Variants in LY86 observed in about 807,000 individuals in gnomAD.
LY86 encodes the protein MD-1, RP105-associated.
A neutral mutation model predicts 17.3 loss-of-function variants in LY86; 20 were observed. The observed-to-expected ratio is 1.15, with a 90% CI of 0.81 to 1.68. LY86 has a LOEUF of 1.68. Among genes scored for constraint, LY86 ranks in the 40% most tolerant of loss-of-function variants. The pLI is 0.00. For missense variants in LY86, 200 were observed against 191.9 expected, an observed-to-expected ratio of 1.04 and a Z score of -0.25; for synonymous variants, 74 against 70.6, an observed-to-expected ratio of 1.05 and a Z score of -0.24.
intron 1 of LY86, among the ~76,000 whole-genome samples, chr6:6,613,935 C>G (rs1281890748): frequency 6.6e-6 from 1 of 152,216 alleles, no homozygotes; most frequent in African/African-American, 2.4e-5. Context: ...ATTCAGAAAT[C>G]GTGAAGGGAC....
chr6:6,591,658 C>T (rs1760534306), intron 1 of LY86, among the ~76,000 whole-genome samples: 1 of 152,124 alleles, frequency 6.6e-6, no homozygotes, highest in South Asian at 2.1e-4. Context: ...TTTCCAAGGC[C>T]ACACAGCTAA....
intron 3 of LY86, among the ~76,000 whole-genome samples, chr6:6,641,700 A>C (rs897505248): frequency 1.1e-4 from 16 of 152,112 alleles, no homozygotes; most frequent in African/African-American, 3.9e-4. Flanking sequence ...GGCTAGGGCC[A>C]CCACTAGCTC....
At chr6:6,618,140 T>C (rs3789766) in intron 1 of LY86, among the ~76,000 whole-genome samples, 43,476 of 152,168 alleles carry the variant, frequency 0.29, 6,603 homozygotes, top group East Asian at 0.5. Flanking sequence ...CGCGCCTGGC[T>C]AGCGCATTGT....
chr6:6,592,698 A>C (rs1561773194), intron 1 of LY86, among the ~76,000 whole-genome samples: 2 of 151,922 alleles, frequency 1.3e-5, no homozygotes, highest in Admixed American at 6.5e-5. Context: ...AAGAGGCCAG[A>C]GATCTCTTTT....
chr6:6,601,075 G>A (rs1760892088), intron 1 of LY86, among the ~76,000 whole-genome samples: 1 of 152,192 alleles, frequency 6.6e-6, no homozygotes, highest in East Asian at 1.9e-4. Flanking sequence ...CGGCTGATCA[G>A]AGTACAGGCT....
chr6:6,601,420 G>A (rs1760904076), intron 1 of LY86, among the ~76,000 whole-genome samples: 2 of 152,196 alleles, frequency 1.3e-5, no homozygotes, highest in Non-Finnish European at 2.9e-5. Context: ...ACAATAGAAA[G>A]CAGTTGCAAT....
chr6:6,589,044 C>G (rs3765285), intron 1 of LY86, among the ~76,000 whole-genome samples, 174 bp downstream of exon 1: 106,928 of 151,744 alleles, frequency 0.7, 37,755 homozygotes, highest in South Asian at 0.74. Flanking sequence ...GAAGAAGGAG[C>G]GGTGGGGCCA....
intron 1 of LY86, among the ~76,000 whole-genome samples, chr6:6,609,893 T>C (rs1338841214): frequency 6.6e-6 from 1 of 152,064 alleles, no homozygotes; most frequent in Admixed American, 6.5e-5. Context: ...CCTCTGTGTA[T>C]GGCCAAGATT....
chr6:6,605,915 G>A (rs894133815), intron 1 of LY86, among the ~76,000 whole-genome samples: 2 of 152,208 alleles, frequency 1.3e-5, no homozygotes, highest in Non-Finnish European at 2.9e-5. Flanking sequence ...CTTCAGGAAT[G>A]AAGCTGCAGA....
chr6:6,643,423 C>T (rs1395677237), intron 3 of LY86, among the ~76,000 whole-genome samples: 1 of 152,204 alleles, frequency 6.6e-6, no homozygotes, highest in Non-Finnish European at 1.5e-5. Flanking sequence ...ACAAACATTG[C>T]ATGATCTCAC....
chr6:6,607,542 T>C (rs1761218379), intron 1 of LY86, among the ~76,000 whole-genome samples: 1 of 151,872 alleles, frequency 6.6e-6, no homozygotes, highest in African/African-American at 2.4e-5. Context: ...AAAAGAATGC[T>C]GGAAAGAAGG....
intron 1 of LY86, among the ~76,000 whole-genome samples, chr6:6,612,349 C>T (rs775191572): frequency 1.3e-5 from 2 of 152,238 alleles, no homozygotes; most frequent in African/African-American, 4.8e-5. Context: ...AAGCATTACA[C>T]TTCTTAAGGT....
intron 3 of LY86, among the ~76,000 whole-genome samples, chr6:6,638,308 A>C (rs923942026): frequency 4.6e-5 from 7 of 152,252 alleles, no homozygotes; most frequent in African/African-American, 1.7e-4. Flanking sequence ...GGGTTAAACA[A>C]AATATATTAC....
At chr6:6,631,744 G>T (rs1761901939) in intron 3 of LY86, among the ~76,000 whole-genome samples, 1 of 152,192 alleles carries the variant, frequency 6.6e-6, no homozygotes, top group Non-Finnish European at 1.5e-5. Context: ...AGACCATATG[G>T]TCTCTGTGGC....
chr6:6,653,118 G>C (rs533336591), intron 4 of LY86, among the ~76,000 whole-genome samples: 1 of 152,142 alleles, frequency 6.6e-6, no homozygotes. Context: ...TCATGGGAGC[G>C]TCTAGAATCA....
chr6:6,649,489 G>GGTCGCCGTATCATT, intron 3 of LY86, 136 bp from the exon 4 acceptor site: 2 of 486,392 alleles, frequency 4.1e-6, no homozygotes, highest in South Asian at 3.6e-5. Flanking sequence ...ATCAGGAAAT[G>GGTCGCCGTATCATT]AAAACATTTC....
chr6:6,646,032 G>A (rs1289120592), intron 3 of LY86, among the ~76,000 whole-genome samples: 3 of 152,010 alleles, frequency 2.0e-5, no homozygotes, highest in South Asian at 2.1e-4. Flanking sequence ...TTCCAAAAAC[G>A]AAATCATGTT....
intron 1 of LY86, among the ~76,000 whole-genome samples, chr6:6,596,268 T>A (rs1026819704): frequency 3.3e-5 from 5 of 152,114 alleles, no homozygotes; most frequent in African/African-American, 1.2e-4. Context: ...CAACAGGATA[T>A]ATTGATAAAA....
At chr6:6,649,485 A>G in intron 3 of LY86, 140 bp from the exon 4 acceptor site, 1 of 429,456 alleles carries the variant, frequency 2.3e-6, no homozygotes, top group Non-Finnish European at 4.1e-6. Flanking sequence ...GTAGATCAGG[A>G]AATGAAAACA....
Sources: allele counts gnomAD v4.1 joint callset (sites outside exome capture counted in the v4.1 genomes callset), GRCh38; gene constraint gnomAD v4.1.1; transcripts MANE v1.5; gene names NCBI Gene and HGNC (gene_info 2026-07-23, HGNC 2026-07-21).